The following LDAH variants were observed in gnomAD, a reference collection of about 807,000 sequenced individuals.
LDAH encodes lipid droplet-associated hydrolase.
Under a neutral mutation model 29.6 loss-of-function variants are expected in LDAH, and 26 were observed. That is an observed-to-expected ratio of 0.88 (90% CI 0.64 to 1.22). LDAH has a LOEUF of 1.22. Ranked by LOEUF, LDAH falls within the 50% of genes most tolerant of loss-of-function variation. The probability of loss-of-function intolerance (pLI) is 0.00; values close to 1 mark genes in which losing one functional copy is unlikely to be tolerated. For synonymous variants in LDAH, 117 were observed against 133.0 expected, an observed-to-expected ratio of 0.88 and a Z score of 0.83; for missense variants, 344 against 387.3, an observed-to-expected ratio of 0.89 and a Z score of 0.94.
chr2:20,820,145 C>G (rs997623396), intron 1 of LDAH, among the ~76,000 whole-genome samples: 2 of 152,014 alleles, frequency 1.3e-5, no homozygotes, highest in Non-Finnish European at 2.9e-5. Context: ...ACATTCCATG[C>G]TCATGGATAG....
At chr2:20,747,185 C>T (rs900580225) in intron 4 of LDAH, among the ~76,000 whole-genome samples, 3 of 152,024 alleles carry the variant, frequency 2.0e-5, no homozygotes, top group Non-Finnish European at 2.9e-5. Context: ...AAAGACTTCA[C>T]CTGTTTATAT....
intron 3 of LDAH, 62 bp from the exon 4 acceptor site, chr2:20,775,041 G>A: frequency 1.4e-6 from 2 of 1,406,228 alleles, no homozygotes; most frequent in Admixed American, 2.1e-5. Context: ...AAAAGATCAA[G>A]AAAAAGATAA....
At chr2:20,806,345 G>A (rs1438133135) in intron 1 of LDAH, among the ~76,000 whole-genome samples, 1 of 152,032 alleles carries the variant, frequency 6.6e-6, no homozygotes, top group African/African-American at 2.4e-5. Flanking sequence ...ATTGTGCCAC[G>A]ATGACACAGA....
intron 1 of LDAH, among the ~76,000 whole-genome samples, chr2:20,809,317 T>C (rs1013945581): frequency 3.9e-5 from 6 of 151,980 alleles, no homozygotes; most frequent in Non-Finnish European, 7.4e-5. Context: ...AAGAATTACT[T>C]GAACCAGGGA....
intron 3 of LDAH, among the ~76,000 whole-genome samples, chr2:20,776,786 T>C (rs12624282): frequency 0.057 from 8,685 of 152,274 alleles, 348 homozygotes; most frequent in East Asian, 0.15. Context: ...CATTCTTTGA[T>C]ATAAAAAACC....
intron 5 of LDAH, among the ~76,000 whole-genome samples, chr2:20,738,439 T>C (rs1396554637): frequency 1.3e-5 from 2 of 151,738 alleles, no homozygotes; most frequent in East Asian, 3.8e-4. Context: ...ACTTTGTCTA[T>C]GGAGGAGCTG....
chr2:20,815,161 T>C (rs955900436), intron 1 of LDAH, among the ~76,000 whole-genome samples: 19 of 152,134 alleles, frequency 1.2e-4, no homozygotes, highest in African/African-American at 4.3e-4. Context: ...AAAAACTTGC[T>C]GGATGGGCTC....
At chr2:20,751,713 T>C (rs879667906) in intron 4 of LDAH, among the ~76,000 whole-genome samples, 14 of 152,214 alleles carry the variant, frequency 9.2e-5, no homozygotes, top group Admixed American at 4.6e-4. Flanking sequence ...TGACAGATAT[T>C]AGGTAAAGCC....
intron 4 of LDAH, among the ~76,000 whole-genome samples, chr2:20,765,407 G>A (rs575675892): frequency 3.9e-5 from 6 of 151,960 alleles, no homozygotes; most frequent in African/African-American, 1.5e-4. Flanking sequence ...GTCTGTCTTC[G>A]AGGACACCAA....
intron 4 of LDAH, among the ~76,000 whole-genome samples, chr2:20,740,988 C>T (rs6739980): frequency 0.016 from 2,431 of 152,298 alleles, 54 homozygotes; most frequent in African/African-American, 0.054. Flanking sequence ...GGCGTTATCT[C>T]ACTGTCATTT....
intron 4 of LDAH, among the ~76,000 whole-genome samples, chr2:20,757,994 T>G (rs990731310): frequency 2.6e-5 from 4 of 152,186 alleles, no homozygotes; most frequent in South Asian, 4.1e-4. Flanking sequence ...CATAAACATG[T>G]GAGCCAATTC....
At chr2:20,719,703 C>T (rs1012147456) in intron 5 of LDAH, among the ~76,000 whole-genome samples, 2 of 151,990 alleles carry the variant, frequency 1.3e-5, no homozygotes, top group East Asian at 1.9e-4. Flanking sequence ...AACTGATGAG[C>T]ATAAATGCAA....
chr2:20,751,212 C>T (rs1188549708), intron 4 of LDAH, among the ~76,000 whole-genome samples: 1 of 152,134 alleles, frequency 6.6e-6, no homozygotes, highest in East Asian at 1.9e-4. Context: ...TTAAGTTCCA[C>T]CTTTCTTTTT....
At chr2:20,696,613 CT>C (rs892404117) in intron 6 of LDAH, among the ~76,000 whole-genome samples, 3 of 152,306 alleles carry the variant, frequency 2.0e-5, no homozygotes, top group East Asian at 1.9e-4. Context: ...AATTCCCCCC[CT>C]AAGTGGGTTT....
At chr2:20,711,235 A>G (rs1393100209) in intron 5 of LDAH, among the ~76,000 whole-genome samples, 1 of 151,978 alleles carries the variant, frequency 6.6e-6, no homozygotes, top group Non-Finnish European at 1.5e-5. Flanking sequence ...AAAAATACAA[A>G]AAATTAGCCA....
At chr2:20,767,295 C>T (rs1669107611) in intron 4 of LDAH, among the ~76,000 whole-genome samples, 1 of 152,096 alleles carries the variant, frequency 6.6e-6, no homozygotes, top group South Asian at 2.1e-4. Flanking sequence ...GGGAAGTCCC[C>T]CCTCCCTTGC....
chr2:20,724,543 C>T (rs1319418228), intron 5 of LDAH, among the ~76,000 whole-genome samples: 1 of 152,144 alleles, frequency 6.6e-6, no homozygotes, highest in Non-Finnish European at 1.5e-5. Context: ...GGTCCAAGAG[C>T]TGACATCATG....
chr2:20,788,950 T>C (rs1467786804), intron 3 of LDAH: 2 of 580,872 alleles, frequency 3.4e-6, no homozygotes, highest in Non-Finnish European at 6.0e-6. Context: ...CTCCATGGTA[T>C]TACTTCTTCC....
chr2:20,733,640 G>A (rs1485817311), intron 5 of LDAH, among the ~76,000 whole-genome samples: 1 of 152,044 alleles, frequency 6.6e-6, no homozygotes, highest in South Asian at 2.1e-4. Context: ...CTGGACTCAA[G>A]TGATCTGCCT....
Sources: gnomAD v4.1 joint callset for allele counts (sites outside exome capture counted in the v4.1 genomes callset) on GRCh38, gnomAD v4.1.1 for gene constraint, MANE v1.5 for transcripts, NCBI Gene and HGNC (gene_info 2026-07-23, HGNC 2026-07-21) for gene names.